Variants in TMEM132B observed in about 807,000 individuals in gnomAD.
TMEM132B encodes transmembrane protein 132B.
A neutral mutation model predicts 90.8 loss-of-function variants in TMEM132B; 18 were observed. That is an observed-to-expected ratio of 0.20 (90% CI 0.14 to 0.29). The LOEUF is 0.29. TMEM132B is among the 10% of genes least tolerant of loss of function. The pLI is 1.00. For synonymous variants in TMEM132B, 504 were observed against 523.3 expected, an observed-to-expected ratio of 0.96 and a Z score of 0.50; for missense variants, 1,096 against 1,326.8, an observed-to-expected ratio of 0.83 and a Z score of 2.70.
At chr12:125,259,889 G>A (rs1211518506) in intron 1 of TMEM132B, among the ~76,000 whole-genome samples, 2 of 151,994 alleles carry the variant, frequency 1.3e-5, no homozygotes, top group East Asian at 3.9e-4. Context: ...TTTGGGCTGA[G>A]CTCACTGCAG....
intron 1 of TMEM132B, among the ~76,000 whole-genome samples, chr12:125,290,929 G>A (rs1449057490): frequency 6.6e-6 from 1 of 152,146 alleles, no homozygotes; most frequent in African/African-American, 2.4e-5. Flanking sequence ...TCCTGAGACT[G>A]GATTGTGTTT....
chr12:125,606,549 G>A (rs1885701347), intron 5 of TMEM132B, among the ~76,000 whole-genome samples: 1 of 152,248 alleles, frequency 6.6e-6, no homozygotes, highest in Admixed American at 6.5e-5. Flanking sequence ...ATGTTTGTAT[G>A]TGTGCTTATA....
At chr12:125,431,759 G>C (rs1041023029) in intron 3 of TMEM132B, among the ~76,000 whole-genome samples, 1 of 152,318 alleles carries the variant, frequency 6.6e-6, no homozygotes, top group East Asian at 1.9e-4. Flanking sequence ...TGAACAGACA[G>C]GGAGTCAGTG....
intron 1 of TMEM132B, among the ~76,000 whole-genome samples, chr12:125,291,713 G>C (rs951136834): frequency 1.3e-5 from 2 of 152,126 alleles, no homozygotes; most frequent in Admixed American, 6.5e-5. Context: ...ACCCAGACAT[G>C]ATGTGTCTGG....
intron 1 of TMEM132B, among the ~76,000 whole-genome samples, chr12:125,273,051 G>T (rs1214985854): frequency 6.6e-6 from 1 of 152,122 alleles, no homozygotes; most frequent in East Asian, 1.9e-4. Flanking sequence ...AACTTGAATA[G>T]ATACAAAATC....
intron 5 of TMEM132B, 151 bp from the exon 6 acceptor site, chr12:125,643,925 T>C: frequency 1.5e-6 from 1 of 669,674 alleles, no homozygotes; most frequent in Non-Finnish European, 2.6e-6. Context: ...AATTAGTGCC[T>C]ACAAATTACC....
chr12:125,308,367 T>G (rs1487666885), intron 1 of TMEM132B, among the ~76,000 whole-genome samples: 1 of 152,140 alleles, frequency 6.6e-6, no homozygotes, highest in East Asian at 1.9e-4. Context: ...AATATGGAAC[T>G]GCTCTGGACA....
At chr12:125,330,483 C>A (rs934946963) in intron 1 of TMEM132B, among the ~76,000 whole-genome samples, 98 of 150,790 alleles carry the variant, frequency 6.5e-4, no homozygotes, top group African/African-American at 2.4e-3. Flanking sequence ...AAGAAATTTA[C>A]AAAGAAAGAA....
intron 3 of TMEM132B, among the ~76,000 whole-genome samples, chr12:125,450,318 A>T (rs1483132691): frequency 1.3e-5 from 2 of 152,062 alleles, no homozygotes; most frequent in Admixed American, 6.6e-5. Context: ...TTAGGAAGAT[A>T]AAAAAAATGA....
At chr12:125,612,576 A>T (rs1184217085) in intron 5 of TMEM132B, among the ~76,000 whole-genome samples, 3 of 144,888 alleles carry the variant, frequency 2.1e-5, no homozygotes, top group East Asian at 2.0e-4. Flanking sequence ...ATATATATAA[A>T]ATATATATTA....
At chr12:125,335,801 A>G (rs1166922438) in intron 1 of TMEM132B, among the ~76,000 whole-genome samples, 2 of 152,182 alleles carry the variant, frequency 1.3e-5, no homozygotes, top group Admixed American at 6.5e-5. Flanking sequence ...AGCCTGGCTA[A>G]CATGGCAAAA....
At chr12:125,190,447 G>A (rs1957791081) in intron 1 of TMEM132B, among the ~76,000 whole-genome samples, 2 of 146,228 alleles carry the variant, frequency 1.4e-5, no homozygotes, top group Non-Finnish European at 3.0e-5. Flanking sequence ...GATGGGAAGG[G>A]GTGGTGATGG....
intron 1 of TMEM132B, among the ~76,000 whole-genome samples, chr12:125,200,837 G>T (rs1873039363): frequency 2.0e-5 from 3 of 152,180 alleles, no homozygotes; most frequent in African/African-American, 7.2e-5. Context: ...CCCAGCCAGT[G>T]CTTCCCAAGT....
At chr12:125,285,693 C>G (rs959506579) in intron 1 of TMEM132B, among the ~76,000 whole-genome samples, 1 of 152,178 alleles carries the variant, frequency 6.6e-6, no homozygotes, top group Non-Finnish European at 1.5e-5. Context: ...CCCAGGTCTC[C>G]TAGCCCCCAC....
chr12:125,500,303 G>A (rs1238772907), intron 3 of TMEM132B, among the ~76,000 whole-genome samples: 1 of 152,202 alleles, frequency 6.6e-6, no homozygotes, highest in African/African-American at 2.4e-5. Context: ...TCAGGCTGGG[G>A]GAATCTCTGG....
intron 3 of TMEM132B, among the ~76,000 whole-genome samples, chr12:125,517,615 C>T (rs775145917): frequency 2.3e-4 from 35 of 152,052 alleles, no homozygotes; most frequent in Non-Finnish European, 4.9e-4. Flanking sequence ...CACGGGAGCC[C>T]CTAAACTTTT....
intron 3 of TMEM132B, among the ~76,000 whole-genome samples, chr12:125,483,216 C>G (rs145053102): frequency 0.024 from 3,689 of 151,974 alleles, 156 homozygotes; most frequent in African/African-American, 0.084. Context: ...GCATGTTGTG[C>G]ACATGTACCC....
intron 4 of TMEM132B, among the ~76,000 whole-genome samples, chr12:125,563,445 A>G (rs111786891): frequency 6.6e-6 from 1 of 152,092 alleles, no homozygotes; most frequent in African/African-American, 2.4e-5. Flanking sequence ...TGTCTCTACT[A>G]AAAATACAAA....
intron 1 of TMEM132B, among the ~76,000 whole-genome samples, chr12:125,229,571 T>C (rs1359376672): frequency 6.6e-6 from 1 of 152,252 alleles, no homozygotes; most frequent in East Asian, 1.9e-4. Context: ...CTATCTGTCA[T>C]CTATCATTTA....
Sources: gnomAD v4.1 joint callset for allele counts (sites outside exome capture counted in the v4.1 genomes callset) on GRCh38, gnomAD v4.1.1 for gene constraint, MANE v1.5 for transcripts, NCBI Gene and HGNC (gene_info 2026-07-23, HGNC 2026-07-21) for gene names.